Variants in CNTNAP2 observed in about 807,000 individuals in gnomAD.
CNTNAP2 encodes contactin associated protein 2.
CNTNAP2 carries 98 observed loss-of-function variants against 155.2 expected under a neutral mutation model. That is an observed-to-expected ratio of 0.63 (90% CI 0.54 to 0.75). The LOEUF (loss-of-function observed/expected upper bound fraction) is 0.75. Ranked by LOEUF, CNTNAP2 falls within the 30% of genes least tolerant of loss-of-function variation. The pLI, the probability that CNTNAP2 is intolerant of heterozygous loss-of-function variation, is 0.00. For missense variants in CNTNAP2, 1,727 were observed against 1,688.1 expected, an observed-to-expected ratio of 1.02 and a Z score of -0.40; for synonymous variants, 651 against 631.2, an observed-to-expected ratio of 1.03 and a Z score of -0.47.
chr7:147,683,044 A>C (rs930296488), intron 13 of CNTNAP2, among the ~76,000 whole-genome samples: 4 of 151,926 alleles, frequency 2.6e-5, no homozygotes, highest in Admixed American at 2.0e-4. Flanking sequence ...AAGATACCAA[A>C]TGGAATAAGA....
chr7:146,564,054 G>A (rs1798320583), intron 1 of CNTNAP2, among the ~76,000 whole-genome samples: 1 of 152,156 alleles, frequency 6.6e-6, no homozygotes, highest in African/African-American at 2.4e-5. Flanking sequence ...CAGTAGGCAA[G>A]GCTGGAGATC....
chr7:148,251,045 A>G (rs1796355311), intron 20 of CNTNAP2, among the ~76,000 whole-genome samples: 1 of 151,974 alleles, frequency 6.6e-6, no homozygotes, highest in African/African-American at 2.4e-5. Context: ...TTCTATTATT[A>G]CCTCACTCTC....
At chr7:146,740,687 C>T (rs1244594026) in intron 1 of CNTNAP2, among the ~76,000 whole-genome samples, 5 of 152,182 alleles carry the variant, frequency 3.3e-5, no homozygotes, top group African/African-American at 1.2e-4. Context: ...CCTGCTTTAG[C>T]TGGTACAATG....
intron 21 of CNTNAP2, among the ~76,000 whole-genome samples, chr7:148,359,227 T>C (rs1407475683): frequency 6.6e-6 from 1 of 152,184 alleles, no homozygotes; most frequent in Non-Finnish European, 1.5e-5. Context: ...TTTGTGGAAG[T>C]GCATTCTGTG....
At chr7:146,700,730 C>T (rs1001054311) in intron 1 of CNTNAP2, among the ~76,000 whole-genome samples, 2 of 146,638 alleles carry the variant, frequency 1.4e-5, no homozygotes, top group African/African-American at 5.5e-5. Context: ...AAATCCCAGT[C>T]ATTGTTTATT....
chr7:147,372,040 A>C (rs1796356910), intron 9 of CNTNAP2, among the ~76,000 whole-genome samples: 1 of 152,128 alleles, frequency 6.6e-6, no homozygotes, highest in Non-Finnish European at 1.5e-5. Context: ...GCATCTCTCC[A>C]AAACAAGTAT....
intron 12 of CNTNAP2, among the ~76,000 whole-genome samples, chr7:147,581,164 G>T (rs144235016): frequency 5.3e-4 from 81 of 152,282 alleles, no homozygotes; most frequent in Middle Eastern, 3.4e-3. Flanking sequence ...AACTAGCTTT[G>T]TGTGATGTTG....
chr7:146,444,661 CTT>C (rs772101193), intron 1 of CNTNAP2, among the ~76,000 whole-genome samples: 17 of 142,068 alleles, frequency 1.2e-4, no homozygotes, highest in Admixed American at 3.5e-4. Context: ...TCCTCTCTCT[CTT>C]TTTTTTTTTT....
chr7:147,507,153 G>C (rs571027727), intron 11 of CNTNAP2, among the ~76,000 whole-genome samples: 2 of 152,018 alleles, frequency 1.3e-5, no homozygotes, highest in Non-Finnish European at 2.9e-5. Context: ...CTCTCTCCCC[G>C]CTCTGCTTCC....
intron 3 of CNTNAP2, among the ~76,000 whole-genome samples, chr7:146,888,485 AAAATTT>A (rs1795713335): frequency 1.3e-5 from 2 of 152,142 alleles, no homozygotes; most frequent in Admixed American, 6.6e-5. Context: ...TTCCTTATCA[AAAATTT>A]AAATTTAACT....
In CNTNAP2 at chr7:148,413,402, ATATATATATAT is replaced by A. The variant is rs1156899587; in HGVS notation, c.3797-2014_3797-2004del. Among the ~76,000 whole-genome samples, 294 of 39,478 alleles carry A rather than the reference ATATATATATAT, an allele frequency of 7.4e-3. 75 individuals are homozygous for A. The highest frequency in any genetic ancestry group is 7.8e-3 in the Non-Finnish European group (168 of 21,516). The allele number at this position is 39,478 out of a possible 152,430, so 25.9% of individuals were successfully genotyped here. A position where few individuals can be genotyped will look rare whatever the true frequency, so the allele number is the denominator to read the frequency against. On this transcript the variant is annotated intron_variant, in intron 23 of 23. Transcript: ENST00000361727. Reference sequence around the variant, plus strand: ...AGTGAAACTCCGTCTCAAAAAAAAAATATATATATATATATATATATATATATATATATATA... The same window carrying A: ...AGTGAAACTCCGTCTCAAAAAAAAAAATATATATATATATATATATATATA...
At chr7:146,938,091 T>C (rs994268968) in intron 3 of CNTNAP2, among the ~76,000 whole-genome samples, 1 of 152,152 alleles carries the variant, frequency 6.6e-6, no homozygotes, top group Non-Finnish European at 1.5e-5. Flanking sequence ...AAGAGGTAGT[T>C]AATCTATAAC....
At chr7:148,196,422 G>A (rs958037262) in intron 18 of CNTNAP2, among the ~76,000 whole-genome samples, 5 of 152,124 alleles carry the variant, frequency 3.3e-5, no homozygotes, top group African/African-American at 1.2e-4. Context: ...CCAGGAACTC[G>A]TCTGATCACT....
intron 15 of CNTNAP2, among the ~76,000 whole-genome samples, chr7:148,099,168 T>C (rs1475382866): frequency 1.3e-5 from 2 of 152,210 alleles, no homozygotes; most frequent in African/African-American, 4.8e-5. Flanking sequence ...TTTCCGTGCC[T>C]CAGTTTCCCC....
At chr7:146,279,973 G>A (rs1242683302) in intron 1 of CNTNAP2, among the ~76,000 whole-genome samples, 4 of 151,986 alleles carry the variant, frequency 2.6e-5, no homozygotes, top group Non-Finnish European at 5.9e-5. Flanking sequence ...ATCATATTAT[G>A]AATATACTAT....
rs147237708 is a variant in CNTNAP2, at chr7:146,180,153, A to G, written c.97+63180A>G. 8.5e-5 allele frequency among the ~76,000 whole-genome samples: 13 copies of G among 152,268 alleles called. No homozygotes were observed. In the South Asian group the frequency reaches 1.4e-3, roughly 17 times the overall value. On this transcript the variant is annotated intron_variant, in intron 1 of 23. Transcript: ENST00000361727. ...TTAGAAACTCTGTGTAGCTTTTTTC[A>G]CTTTAATAATTACAACAGTGTTAAT... is the stretch of plus-strand genomic sequence containing the variant.
At chr7:146,291,618 C>G (rs377694290) in intron 1 of CNTNAP2, among the ~76,000 whole-genome samples, 9 of 152,210 alleles carry the variant, frequency 5.9e-5, no homozygotes, top group African/African-American at 2.2e-4. Context: ...ATCTCAACAC[C>G]TGCTTAAGTA....
intron 15 of CNTNAP2, among the ~76,000 whole-genome samples, chr7:147,995,603 C>T (rs1439041169): frequency 2.0e-5 from 3 of 151,402 alleles, no homozygotes; most frequent in African/African-American, 7.3e-5. Flanking sequence ...CCTCAGCTCA[C>T]TGCAAGCTCC....
intron 10 of CNTNAP2, among the ~76,000 whole-genome samples, chr7:147,478,527 AC>A (rs1238783918): frequency 6.6e-6 from 1 of 151,962 alleles, no homozygotes; most frequent in African/African-American, 2.4e-5. Flanking sequence ...TGTCATGAAA[AC>A]CTTTGGGTAG....
Sources: gnomAD v4.1 joint callset for allele counts (sites outside exome capture counted in the v4.1 genomes callset) on GRCh38, gnomAD v4.1.1 for gene constraint, MANE v1.5 for transcripts, NCBI Gene and HGNC (gene_info 2026-07-23, HGNC 2026-07-21) for gene names.